The following OPA1 variants were observed in gnomAD, a reference collection of about 807,000 sequenced individuals.
OPA1 encodes the protein OPA1 mitochondrial dynamin like GTPase.
Under a neutral mutation model 152.9 loss-of-function variants are expected in OPA1, and 59 were observed. The observed-to-expected ratio is 0.39, with a 90% CI of 0.31 to 0.48. The LOEUF (loss-of-function observed/expected upper bound fraction) is 0.48. Among genes scored for constraint, OPA1 ranks in the 20% least tolerant of loss-of-function variants. The pLI is 0.96. For missense variants in OPA1, 1,008 were observed against 1,216.8 expected, an observed-to-expected ratio of 0.83 and a Z score of 2.55; for synonymous variants, 400 against 389.9, an observed-to-expected ratio of 1.03 and a Z score of -0.31.
At position 193,648,814 on chromosome 3, in the gene OPA1, C is replaced by T. The variant is rs1286145767; in HGVS notation, c.1955C>T (p.Ala652Val). 6.2e-7 allele frequency: 1 copy of T among 1,606,254 alleles called. No homozygotes were observed. Among genetic ancestry groups the T allele is most frequent in the Non-Finnish European group, 8.5e-7 (1 of 1,173,346 alleles). ...ELDRNELFEK[A>V]KNEILDEVIS... ...GCCTAGAATGAACTATTTGAAAAAG[C>T]TAAAAATGAAATCCTTGATGAAGTT... Residue 652 changes from alanine (A) to valine (V), a missense_variant, in exon 21 of 31, where the codon GCT (alanine) becomes GTT (valine). By Grantham distance (64) the Ala-to-Val change is moderately conservative (BLOSUM62 0). This residue lies in a region of OPA1 where 229 missense variants were observed against 269.0 expected (regional missense o/e 0.85). Transcript: ENST00000361510.
At position 193,657,094 on chromosome 3, in the gene OPA1, C is replaced by G. The variant is rs757675899; in HGVS notation, c.2193C>G (p.Thr731=). ...AATAATTATAGGTTGCTTGGGAGAC[C>G]CTACAAGAAGAATTTTCCCGCTTTA... ...PNKAVEVAWE[T]LQEEFSRFMT... Residue 731 remains threonine (T), a synonymous_variant, in exon 23 of 31, where the codon ACC becomes ACG. Transcript: ENST00000361510. The G allele has an allele frequency of 8.7e-6, 14 of 1,611,862 alleles. No individual in the cohort carries two copies. In the South Asian group the frequency reaches 1.2e-4, roughly 14 times the overall value.
At chr3:193,595,837 G>A (rs1455882670) in intron 1 of OPA1, among the ~76,000 whole-genome samples, 1 of 151,796 alleles carries the variant, frequency 6.6e-6, no homozygotes, top group African/African-American at 2.4e-5. Context: ...CATCTCTTAG[G>A]AGGATAGTGG....
At chr3:193,692,750 A>T (rs1030644099) in intron 30 of OPA1, among the ~76,000 whole-genome samples, 3 of 152,176 alleles carry the variant, frequency 2.0e-5, no homozygotes, top group African/African-American at 7.2e-5. Context: ...TTGCTGAAGA[A>T]TTTTAATCAG....
intron 26 of OPA1, 54 bp downstream of exon 26, chr3:193,663,016 C>G: frequency 6.4e-7 from 1 of 1,557,592 alleles, no homozygotes. Flanking sequence ...TTGTTTCTTG[C>G]AGTAAATGTT....
At chr3:193,629,762 T>C (rs1330071753) in intron 7 of OPA1, among the ~76,000 whole-genome samples, 1 of 152,220 alleles carries the variant, frequency 6.6e-6, no homozygotes, top group Non-Finnish European at 1.5e-5. Context: ...AAGTTAACCT[T>C]TTATAGCCCT....
At chr3:193,598,056 G>A (rs1725886030) in intron 1 of OPA1, among the ~76,000 whole-genome samples, 1 of 152,126 alleles carries the variant, frequency 6.6e-6, no homozygotes, top group African/African-American at 2.4e-5. Context: ...ACTCCACGTT[G>A]GGCAACAGAG....
At chr3:193,628,952 T>A (rs1297189731) in intron 7 of OPA1, among the ~76,000 whole-genome samples, 1 of 152,176 alleles carries the variant, frequency 6.6e-6, no homozygotes, top group Non-Finnish European at 1.5e-5. Context: ...TCGCTCTTGT[T>A]GCTTAGGCTA....
intron 8 of OPA1, among the ~76,000 whole-genome samples, chr3:193,634,575 G>A (rs747535044): frequency 1.7e-4 from 26 of 151,910 alleles, no homozygotes; most frequent in Non-Finnish European, 2.9e-4. Context: ...CCGCCACGAC[G>A]CCTGGCTAAT....
chr3:193,614,084 G>A (rs1361615357), intron 1 of OPA1: 1 of 448,956 alleles, frequency 2.2e-6, no homozygotes, highest in Non-Finnish European at 4.3e-6. Context: ...TACAGTCAAT[G>A]TGTACATTTA....
intron 29 of OPA1, among the ~76,000 whole-genome samples, chr3:193,676,922 G>C (rs6809663): frequency 6.7e-6 from 1 of 148,898 alleles, no homozygotes; most frequent in Non-Finnish European, 1.5e-5. Flanking sequence ...CGGAGCTTGC[G>C]GTGAGCCGAG....
chr3:193,644,150 C>T lies in OPA1; in HGVS notation c.1608+45C>T, dbSNP rs201324835. On this transcript the variant is annotated intron_variant, in intron 16 of 30. Coordinates refer to ENST00000361510, the MANE Select transcript of OPA1 (RefSeq NM_130837.3). ...TGCGAGAATAGATTCTTTGTAAAAG[C>T]TCCAGCTGTGATAGGGATTTGTTAT... 2.6e-5 allele frequency: 42 copies of T among 1,606,578 alleles called. No homozygotes were observed. In the African/African-American group the frequency reaches 4.7e-4, roughly 18 times the overall value.
At chr3:193,618,198 G>T (rs1056527976) in intron 5 of OPA1, among the ~76,000 whole-genome samples, 1 of 152,106 alleles carries the variant, frequency 6.6e-6, no homozygotes, top group Non-Finnish European at 1.5e-5. Flanking sequence ...TTGTTTTCCG[G>T]CCGGGCGCGG....
At position 193,621,339 on chromosome 3, in the gene OPA1, C is replaced by A. The variant is rs112470076; in HGVS notation, c.678+2403C>A. On this transcript the variant is annotated intron_variant, in intron 6 of 30. Coordinates refer to ENST00000361510, the MANE Select transcript of OPA1 (RefSeq NM_130837.3). Reference sequence around the variant, plus strand: ...AAGTGACGGGGAGCTGAGGGGAACACAGATAGTTTGACTTCAGTCAGACAG... The same window carrying A: ...AAGTGACGGGGAGCTGAGGGGAACAAAGATAGTTTGACTTCAGTCAGACAG... 3.3e-5 allele frequency among the ~76,000 whole-genome samples: 5 copies of A among 152,330 alleles called. 1 individual carries two copies. The highest frequency in any genetic ancestry group is 9.6e-5 in the African/African-American group (4 of 41,584).
chr3:193,631,396 G>A (rs1231681388), intron 7 of OPA1, among the ~76,000 whole-genome samples: 1 of 152,060 alleles, frequency 6.6e-6, no homozygotes, highest in Non-Finnish European at 1.5e-5. Flanking sequence ...GCCTTTTAAG[G>A]TTTTTGTTTC....
intron 15 of OPA1, 99 bp downstream of exon 15, chr3:193,643,726 A>G: frequency 9.0e-7 from 1 of 1,112,638 alleles, no homozygotes. Context: ...CATACAAGAT[A>G]AATGCATTTT....
At chr3:193,665,917 A>G (rs531212833) in intron 27 of OPA1, among the ~76,000 whole-genome samples, 4 of 152,216 alleles carry the variant, frequency 2.6e-5, no homozygotes, top group Non-Finnish European at 5.9e-5. Context: ...TACAGACTCA[A>G]AGAAAAGAGG....
chr3:193,693,626 C>G (rs745388026), intron 30 of OPA1, among the ~76,000 whole-genome samples: 1 of 151,822 alleles, frequency 6.6e-6, no homozygotes, highest in East Asian at 1.9e-4. Flanking sequence ...GGCGACAGAG[C>G]GAGACTCTTG....
At chr3:193,641,704 T>C (rs144667212) in intron 11 of OPA1, among the ~76,000 whole-genome samples, 1 of 152,350 alleles carries the variant, frequency 6.6e-6, no homozygotes, top group African/African-American at 2.4e-5. Context: ...CCTGTTTAGC[T>C]AATCTCAGTA....
intron 25 of OPA1, 60 bp from the exon 26 acceptor site, chr3:193,662,762 G>GT (rs1715599810): frequency 7.0e-7 from 1 of 1,438,118 alleles, no homozygotes; most frequent in African/African-American, 1.4e-5. Context: ...AATTGAGACT[G>GT]TTTTTCAAGC....
Sources: gnomAD v4.1 joint callset for allele counts (sites outside exome capture counted in the v4.1 genomes callset) on GRCh38, gnomAD v4.1.1 for gene constraint, gnomAD v4.1.1 regional missense constraint, MANE v1.5 for transcripts, NCBI Gene and HGNC (gene_info 2026-07-23, HGNC 2026-07-21) for gene names.